The following ADAMTS20 variants were observed in gnomAD, a reference collection of about 807,000 sequenced individuals.
ADAMTS20 encodes the protein A disintegrin and metalloproteinase with thrombospondin motifs 20.
ADAMTS20 carries 225 observed loss-of-function variants against 260.1 expected under a neutral mutation model. That is an observed-to-expected ratio of 0.87 (90% CI 0.78 to 0.97). The LOEUF is 0.97. Ranked by LOEUF, ADAMTS20 falls within the 50% of genes least tolerant of loss-of-function variation. The probability of loss-of-function intolerance (pLI) is 0.00; values close to 1 mark genes in which losing one functional copy is unlikely to be tolerated. For missense variants in ADAMTS20, 2,400 were observed against 2,337.7 expected (o/e 1.03, Z -0.55); for synonymous variants, 802 against 769.5 (o/e 1.04, Z -0.70).
intron 18 of ADAMTS20, among the ~76,000 whole-genome samples, chr12:43,436,072 T>C (rs754769709): frequency 2.7e-5 from 4 of 150,168 alleles, no homozygotes; most frequent in Non-Finnish European, 5.9e-5. Context: ...CGCATAAACG[T>C]AAAAGAAGAA....
chr12:43,439,966 G>A lies in ADAMTS20; in HGVS notation c.2394C>T (p.Tyr798=). ...TTTCAACTGCGTTATTTGATCCACT[G>A]TATTCAATAACAGTTCTTGTTCCTT... ...NVQGTRTVIE[Y]SGSNNAVERI... Residue 798 remains tyrosine (Y), a synonymous_variant, in exon 17 of 39, where the codon TAC becomes TAT. Coordinates refer to ENST00000389420, the MANE Select transcript of ADAMTS20 (RefSeq NM_025003.5). 1 of 1,600,368 alleles carries A rather than the reference G, an allele frequency of 6.2e-7. No individual in the cohort carries two copies. Among genetic ancestry groups the A allele is most frequent in the Non-Finnish European group, 8.5e-7 (1 of 1,172,100 alleles).
At chr12:43,424,697 C>T (rs191766637) in intron 28 of ADAMTS20, among the ~76,000 whole-genome samples, 2 of 152,014 alleles carry the variant, frequency 1.3e-5, no homozygotes, top group East Asian at 1.9e-4. Flanking sequence ...ACAAGCACAA[C>T]GTCAACATTA....
intron 29 of ADAMTS20, among the ~76,000 whole-genome samples, chr12:43,397,389 T>G (rs1038750017): frequency 6.6e-6 from 1 of 152,188 alleles, no homozygotes; most frequent in African/African-American, 2.4e-5. Flanking sequence ...CATATCTGAG[T>G]TCTTCTGAGC....
chr12:43,458,800 A>T (rs1942010584), intron 11 of ADAMTS20, among the ~76,000 whole-genome samples: 1 of 152,190 alleles, frequency 6.6e-6, no homozygotes, highest in South Asian at 2.1e-4. Flanking sequence ...TTGTTGAGAG[A>T]CAGGACTAGC....
At chr12:43,394,686 G>A (rs1415633004) in intron 29 of ADAMTS20, among the ~76,000 whole-genome samples, 1 of 152,084 alleles carries the variant, frequency 6.6e-6, no homozygotes, top group East Asian at 1.9e-4. Flanking sequence ...CTTGGCCAAA[G>A]GGGCAATAAT....
intron 22 of ADAMTS20, among the ~76,000 whole-genome samples, chr12:43,431,128 CA>C (rs1246316902): frequency 1.3e-5 from 2 of 152,140 alleles, no homozygotes; most frequent in Non-Finnish European, 2.9e-5. Flanking sequence ...AATTTAAAAG[CA>C]AAGCTGAAAT....
At chr12:43,455,585 A>G (rs1360440607) in intron 11 of ADAMTS20, among the ~76,000 whole-genome samples, 21 of 152,154 alleles carry the variant, frequency 1.4e-4, no homozygotes, top group Non-Finnish European at 1.5e-5. Context: ...ATCTCCCAAT[A>G]CTGTTACACT....
At chr12:43,458,072 C>T (rs1182241537) in intron 11 of ADAMTS20, among the ~76,000 whole-genome samples, 6 of 152,160 alleles carry the variant, frequency 3.9e-5, no homozygotes, top group Non-Finnish European at 8.8e-5. Context: ...GGGGGCACAG[C>T]TTGTTTTTAT....
In ADAMTS20 at chr12:43,452,398, T is replaced by A. The variant is rs1199859604; in HGVS notation, c.1955A>T (p.Asp652Val). 2 of 1,610,950 alleles carry A rather than the reference T, an allele frequency of 1.2e-6. No individual in the cohort carries two copies. The highest frequency in any genetic ancestry group is 1.3e-5 in the African/African-American group (1 of 74,702). The change falls in exon 14 of 39, where the codon GAT (aspartate) becomes GTT (valine). Residue 652 changes from aspartate (D) to valine (V), a missense_variant. By Grantham distance (152) the Asp-to-Val change is radical. Transcript: ENST00000389420. ...LPRYSGIGTK[D>V]RCKLYCQVAG... Reference sequence around the variant, plus strand: ...AACCTGACAATAGAGTTTACAACGATCCTTTGTGCCAACTGTAAAAAAGAA... The same window carrying A: ...AACCTGACAATAGAGTTTACAACGAACCTTTGTGCCAACTGTAAAAAAGAA...
intron 37 of ADAMTS20, among the ~76,000 whole-genome samples, chr12:43,362,688 ATCT>A (rs889692748): frequency 6.6e-6 from 1 of 152,124 alleles, no homozygotes; most frequent in Non-Finnish European, 1.5e-5. Context: ...ATTCAAGAAA[ATCT>A]TCTTCAAGAA....
At chr12:43,522,196 A>G (rs1943081243) in intron 3 of ADAMTS20, among the ~76,000 whole-genome samples, 1 of 137,292 alleles carries the variant, frequency 7.3e-6, no homozygotes, top group Non-Finnish European at 1.6e-5. Flanking sequence ...AAGGCACGTT[A>G]ATCACAAGGC....
chr12:43,371,559 A>G (rs1940107286), intron 36 of ADAMTS20, among the ~76,000 whole-genome samples: 1 of 152,194 alleles, frequency 6.6e-6, no homozygotes, highest in Non-Finnish European at 1.5e-5. Flanking sequence ...GTGGTTCTGG[A>G]TGGTCTTATT....
At chr12:43,487,242 A>G (rs772805981) in intron 7 of ADAMTS20, among the ~76,000 whole-genome samples, 1 of 152,214 alleles carries the variant, frequency 6.6e-6, no homozygotes, top group Non-Finnish European at 1.5e-5. Context: ...CACACACACA[A>G]AAACAATGAA....
At chr12:43,491,092 A>G (rs942258918) in intron 6 of ADAMTS20, among the ~76,000 whole-genome samples, 1 of 152,148 alleles carries the variant, frequency 6.6e-6, no homozygotes, top group Non-Finnish European at 1.5e-5. Flanking sequence ...AACATGTTTC[A>G]GTCAACAATG....
chr12:43,456,451 A>T (rs2137361248), intron 11 of ADAMTS20, among the ~76,000 whole-genome samples: 1 of 152,192 alleles, frequency 6.6e-6, no homozygotes, highest in South Asian at 2.1e-4. Flanking sequence ...TACATTCTTT[A>T]ACTCCCTGTC....
chr12:43,456,767 C>A (rs927265398), intron 11 of ADAMTS20, among the ~76,000 whole-genome samples: 7 of 152,188 alleles, frequency 4.6e-5, no homozygotes, highest in Admixed American at 3.9e-4. Context: ...AAGCTAATTC[C>A]GATTGGCTCT....
At position 43,551,152 on chromosome 12, in the gene ADAMTS20, C is replaced by A. The variant is rs1427610714; in HGVS notation, c.210G>T (p.Ala70=). The stretch of plus-strand genomic sequence containing the variant: ...GGGTTCGGAACGGCATGGGTTCCAG[C>A]GCCTCGGAGCTGCGTTTCTGCCGGC... ...HFSRQKRSSE[A]LEPMPFRTHY... is the part of the protein sequence containing the mutation. Residue 70 remains alanine, a synonymous_variant, in exon 2 of 39, where the codon GCG becomes GCT. Transcript: ENST00000389420. This position sits in a 1 kb window ranked among gnomAD's most constrained non-coding sequence, Gnocchi z 4.6. 5.6e-6 allele frequency: 9 copies of A among 1,613,828 alleles called. No homozygotes were observed. The East Asian group carries it at 1.3e-4, about 24-fold the overall frequency.
intron 28 of ADAMTS20, among the ~76,000 whole-genome samples, chr12:43,402,741 A>G (rs1455484608): frequency 6.6e-6 from 1 of 151,924 alleles, no homozygotes; most frequent in East Asian, 1.9e-4. Flanking sequence ...CCATTTTATA[A>G]CTCTGACACC....
intron 28 of ADAMTS20, among the ~76,000 whole-genome samples, chr12:43,415,290 A>C (rs1025083716): frequency 9.2e-5 from 14 of 152,152 alleles, no homozygotes; most frequent in African/African-American, 3.4e-4. Context: ...TTCACTTTGG[A>C]AAATTCATTG....
Sources: gnomAD v4.1 joint callset for allele counts (sites outside exome capture counted in the v4.1 genomes callset) on GRCh38, gnomAD v4.1.1 for gene constraint, Gnocchi (gnomAD v3.1) non-coding constraint, MANE v1.5 for transcripts, NCBI Gene and HGNC (gene_info 2026-07-23, HGNC 2026-07-21) for gene names.